CFAP299: variants seen among roughly 807,000 people sequenced by gnomAD.
The protein encoded by CFAP299 is cilia and flagella associated protein 299, also known as cilia- and flagella-associated protein 299.
In CFAP299, 21 loss-of-function variants were observed where a neutral mutation model predicts 27.0. The ratio of observed to expected loss-of-function variants is 0.78; its 90% CI spans 0.55 to 1.12. CFAP299 has a LOEUF of 1.12. Ranked by LOEUF, CFAP299 falls within the 50% of genes most tolerant of loss-of-function variation. The probability of loss-of-function intolerance (pLI) is 0.00; values close to 1 mark genes in which losing one functional copy is unlikely to be tolerated. For missense variants in CFAP299, 310 were observed against 276.6 expected, an observed-to-expected ratio of 1.12 and a Z score of -0.86; for synonymous variants, 104 against 98.1, an observed-to-expected ratio of 1.06 and a Z score of -0.36.
intron 4 of CFAP299, among the ~76,000 whole-genome samples, chr4:80,926,797 T>C (rs981069890): frequency 6.6e-6 from 1 of 152,122 alleles, no homozygotes; most frequent in African/African-American, 2.4e-5. Flanking sequence ...TAGGAATTTA[T>C]GGAGCAATTA....
intron 3 of CFAP299, among the ~76,000 whole-genome samples, chr4:80,793,210 A>G (rs1454114153): frequency 6.6e-6 from 1 of 151,962 alleles, no homozygotes; most frequent in Non-Finnish European, 1.5e-5. Flanking sequence ...AAGGAGAGCC[A>G]GTCTGAGTTG....
chr4:80,888,597 A>G (rs1734087237), intron 4 of CFAP299, among the ~76,000 whole-genome samples: 1 of 152,104 alleles, frequency 6.6e-6, no homozygotes, highest in Admixed American at 6.6e-5. Flanking sequence ...CATCGGACTT[A>G]ACCTCTACTA....
intron 2 of CFAP299, among the ~76,000 whole-genome samples, chr4:80,539,366 G>A (rs916720082): frequency 2.6e-5 from 4 of 152,204 alleles, no homozygotes; most frequent in Non-Finnish European, 4.4e-5. Flanking sequence ...GGAAGCACCA[G>A]GTTCGTCAGG....
intron 3 of CFAP299, among the ~76,000 whole-genome samples, chr4:80,761,930 T>G (rs1725561507): frequency 6.6e-6 from 1 of 151,960 alleles, no homozygotes; most frequent in Non-Finnish European, 1.5e-5. Context: ...AATATAATTT[T>G]AGTACAGAAA....
At chr4:80,554,209 T>G (rs1272736834) in intron 2 of CFAP299, among the ~76,000 whole-genome samples, 1 of 152,178 alleles carries the variant, frequency 6.6e-6, no homozygotes, top group Admixed American at 6.6e-5. Flanking sequence ...CTTCTGCATA[T>G]GGCTAAGTTA....
At chr4:80,399,845 A>T (rs1399348323) in intron 2 of CFAP299, among the ~76,000 whole-genome samples, 1 of 152,136 alleles carries the variant, frequency 6.6e-6, no homozygotes, top group Non-Finnish European at 1.5e-5. Flanking sequence ...ATAATAATAA[A>T]AAAAATTTAA....
At chr4:80,764,102 G>A (rs1422825853) in intron 3 of CFAP299, among the ~76,000 whole-genome samples, 1 of 152,112 alleles carries the variant, frequency 6.6e-6, no homozygotes, top group Non-Finnish European at 1.5e-5. Context: ...ATTGACAAAT[G>A]GGATCTAATT....
At chr4:80,581,063 C>A (rs552076290) in intron 2 of CFAP299, among the ~76,000 whole-genome samples, 17 of 151,866 alleles carry the variant, frequency 1.1e-4, no homozygotes, top group African/African-American at 3.9e-4. Flanking sequence ...ACAGTATAAC[C>A]TAACCACTGT....
chr4:80,666,521 TATC>T lies in CFAP299; in HGVS notation c.333+83344_333+83346del, dbSNP rs541261964. Among the ~76,000 whole-genome samples the T allele has an allele frequency of 2.6e-3, 391 of 152,314 alleles. 1 individual carries two copies. Among genetic ancestry groups the T allele is most frequent in the Admixed American group, 6.0e-3 (92 of 15,300 alleles). On this transcript the variant is annotated intron_variant, in intron 3 of 5. Coordinates refer to ENST00000358105, the MANE Select transcript of CFAP299 (RefSeq NM_152770.3). The stretch of plus-strand genomic sequence containing the variant: ...ATTTGAAAAAGAAAAGAGTCAAGGA[TATC>T]ATCATTTGGATGCCACCTTCCTTCT...
chr4:80,842,304 CT>C, intron 3 of CFAP299, among the ~76,000 whole-genome samples: 1 of 152,072 alleles, frequency 6.6e-6, no homozygotes, highest in South Asian at 2.1e-4. Flanking sequence ...AGACCTCTTT[CT>C]TTTTTCATGT....
chr4:80,791,104 T>C (rs555385062), intron 3 of CFAP299, among the ~76,000 whole-genome samples: 14 of 152,152 alleles, frequency 9.2e-5, no homozygotes, highest in Admixed American at 2.0e-4. Flanking sequence ...TTAACCATCT[T>C]CAAAGAAACA....
intron 2 of CFAP299, among the ~76,000 whole-genome samples, chr4:80,554,422 T>C (rs762685288): frequency 2.0e-5 from 3 of 151,990 alleles, no homozygotes; most frequent in Non-Finnish European, 4.4e-5. Context: ...GTTGGGTATC[T>C]TGATGCCTCC....
chr4:80,418,966 A>G (rs192500603), intron 2 of CFAP299, among the ~76,000 whole-genome samples: 1 of 152,294 alleles, frequency 6.6e-6, no homozygotes, highest in African/African-American at 2.4e-5. Context: ...GGGAGTGCAG[A>G]TATCTCTTTG....
intron 2 of CFAP299, among the ~76,000 whole-genome samples, chr4:80,451,754 A>AC (rs1728914840): frequency 6.6e-6 from 1 of 152,218 alleles, no homozygotes; most frequent in South Asian, 2.1e-4. Context: ...TCTTCTCCTT[A>AC]CCTTCACACA....
At chr4:80,569,167 G>C (rs1367906656) in intron 2 of CFAP299, among the ~76,000 whole-genome samples, 1 of 152,002 alleles carries the variant, frequency 6.6e-6, no homozygotes, top group East Asian at 1.9e-4. Context: ...GAACCCTGTT[G>C]ATAGCTCCAT....
chr4:80,599,360 T>A (rs1000036973), intron 3 of CFAP299, among the ~76,000 whole-genome samples: 3 of 152,192 alleles, frequency 2.0e-5, no homozygotes, highest in Admixed American at 6.6e-5. Flanking sequence ...CAAGGTGCTT[T>A]TCTAACTCGT....
At chr4:80,473,813 A>G (rs1210998840) in intron 2 of CFAP299, among the ~76,000 whole-genome samples, 1 of 151,990 alleles carries the variant, frequency 6.6e-6, no homozygotes, top group Non-Finnish European at 1.5e-5. Flanking sequence ...GCTGGTTTCA[A>G]ACTCCTGGGC....
chr4:80,781,371 T>G (rs1378208799), intron 3 of CFAP299, among the ~76,000 whole-genome samples: 1 of 151,874 alleles, frequency 6.6e-6, no homozygotes, highest in Non-Finnish European at 1.5e-5. Flanking sequence ...ATAAGAGAGG[T>G]GTATGTGATA....
In CFAP299 at chr4:80,710,975, G is replaced by T. The variant is rs146966453; in HGVS notation, c.333+127792G>T. On this transcript the variant is annotated intron_variant, in intron 3 of 5. Coordinates refer to ENST00000358105, the MANE Select transcript of CFAP299 (RefSeq NM_152770.3). ...TCCAGAGTGACTCAGCGAGTTTAGA[G>T]CACAGGCGTATAACTCCTCTTGTTA... Among the ~76,000 whole-genome samples the T allele has an allele frequency of 5.3e-4, 81 of 152,256 alleles. No homozygotes were observed. In the East Asian group the frequency reaches 0.015, roughly 28 times the overall value.
Sources: allele counts gnomAD v4.1 joint callset (sites outside exome capture counted in the v4.1 genomes callset), GRCh38; gene constraint gnomAD v4.1.1; transcripts MANE v1.5; gene names NCBI Gene and HGNC (gene_info 2026-07-23, HGNC 2026-07-21).